GIMAP6: variants seen among roughly 807,000 people sequenced by gnomAD.
GIMAP6 encodes the protein GTPase IMAP family member 6.
In GIMAP6, 6 loss-of-function variants were observed where a neutral mutation model predicts 9.3. The ratio of observed to expected loss-of-function variants is 0.65; its 90% confidence interval spans 0.35 to 1.27. The LOEUF (loss-of-function observed/expected upper bound fraction) is 1.27, where lower values mean the gene tolerates loss of function less well. GIMAP6 is among the 50% of genes most tolerant of loss of function. GIMAP6 has a pLI of 0.03. For synonymous variants in GIMAP6, 156 were observed against 151.1 expected (o/e 1.03, Z -0.24); for missense variants, 333 against 359.5 (o/e 0.93, Z 0.60).
At chr7:150,628,688 G>T in intron 2 of GIMAP6, 176 bp from the exon 3 acceptor site, 1 of 1,545,308 alleles carries the variant, frequency 6.5e-7, no homozygotes, top group Non-Finnish European at 8.7e-7. Flanking sequence ...CTTGAAGGTG[G>T]GGCTGAACGT....
In GIMAP6 at chr7:150,626,168, ATC is replaced by A. The variant is rs947685157; in HGVS notation, c.*1549_*1550del. The A allele has an allele frequency of 6.6e-6, 1 of 152,270 alleles. No individual in the cohort carries two copies. The highest frequency in any genetic ancestry group is 2.4e-5 in the African/African-American group (1 of 41,468). 9.4% of individuals were successfully genotyped at this position (152,270 alleles called of 1,614,324 possible). Reference sequence around the variant, plus strand: ...AAGAGGCCACAGGTCGGCTGTGAGCATCTGTGTCTAGCTGTTGAGCATCTCCA... The same window carrying A: ...AAGAGGCCACAGGTCGGCTGTGAGCATGTGTCTAGCTGTTGAGCATCTCCA... On this transcript the variant is annotated 3_prime_UTR_variant, in exon 3 of 3. Transcript: ENST00000328902.
In GIMAP6 at chr7:150,628,651, G is replaced by A. The variant is rs766191072; in HGVS notation, c.86-139C>T. The stretch of plus-strand genomic sequence containing the variant: ...GACCAACATCTGCCCTGAAACCAGC[G>A]CTGGGCCACCATTCTGGGCCCACAT... On this transcript the variant is annotated intron_variant, in intron 2 of 2. Coordinates refer to ENST00000328902, the MANE Select transcript of GIMAP6 (RefSeq NM_024711.6). 6.9e-5 allele frequency: 110 copies of A among 1,585,554 alleles called. No individual in the cohort carries two copies. In the Admixed American group the frequency reaches 9.9e-4, roughly 14 times the overall value.
Position 150,627,506 on chromosome 7 carries a change from G to T in GIMAP6, c.*213C>A. The T allele has an allele frequency of 1.6e-6, 1 of 615,544 alleles. No individual in the cohort carries two copies. The highest frequency in any genetic ancestry group is 2.0e-5 in the South Asian group (1 of 51,072). 38.1% of individuals were successfully genotyped at this position (615,544 alleles called of 1,614,324 possible). On this transcript the variant is annotated 3_prime_UTR_variant, in exon 3 of 3. Transcript: ENST00000328902. ...GCGTGCTGTTGGGGCACAGAGGAGG[G>T]AGGACCCAGATGTTCTGGAAGAAGG...
intron 1 of GIMAP6, among the ~76,000 whole-genome samples, 194 bp downstream of exon 1, chr7:150,631,973 AAC>A (rs991921137): frequency 1.1e-4 from 17 of 151,806 alleles, no homozygotes; most frequent in African/African-American, 4.1e-4. Flanking sequence ...TGAACACACA[AAC>A]ACATACACAA....
At chr7:150,628,963 G>A (rs1017419071) in intron 2 of GIMAP6, among the ~76,000 whole-genome samples, 10 of 152,230 alleles carry the variant, frequency 6.6e-5, no homozygotes, top group African/African-American at 2.4e-4. Flanking sequence ...GCATGGGCGT[G>A]GCCATCTCCT....
rs1334632748 is a variant in GIMAP6 at position 150,625,480 on chromosome 7, T to C, written c.*2239A>G. 6.6e-6 allele frequency: 1 copy of C among 152,216 alleles called. No individual in the cohort carries two copies. Among genetic ancestry groups the C allele is most frequent in the Non-Finnish European group, 1.5e-5 (1 of 68,038 alleles). 9.4% of individuals were successfully genotyped at this position (152,216 alleles called of 1,614,324 possible). A position where few individuals can be genotyped will look rare whatever the true frequency, so the allele number is the denominator to read the frequency against. On this transcript the variant is annotated 3_prime_UTR_variant, in exon 3 of 3. Coordinates refer to ENST00000328902, the MANE Select transcript of GIMAP6 (RefSeq NM_024711.6). ...GGTCAAATGCTTGTGTTTTCTATTA[T>C]GACATTACTTAAGCTAATAGAGTTA...
In GIMAP6 at chr7:150,628,523, C is replaced by T; in HGVS notation, c.86-11G>A. On this transcript the variant is annotated splice_polypyrimidine_tract_variant and intron_variant, in intron 2 of 2. Transcript: ENST00000328902. The stretch of plus-strand genomic sequence containing the variant: ...CTTTCTCCCTTAGACCTAGAAATAT[C>T]CAAAGAAAGCAGAGGGAACTGGGGT... The T allele has an allele frequency of 6.2e-7, 1 of 1,611,826 alleles. No homozygotes were observed. Among genetic ancestry groups the T allele is most frequent in the South Asian group, 1.1e-5 (1 of 91,082 alleles).
chr7:150,629,508 A>T (rs1796356251), intron 2 of GIMAP6, among the ~76,000 whole-genome samples: 1 of 152,192 alleles, frequency 6.6e-6, no homozygotes, highest in African/African-American at 2.4e-5. Flanking sequence ...TGAATGACGA[A>T]GTTGAGCCCA....
rs58764098 is a variant in GIMAP6 at position 150,630,146 on chromosome 7, C to CAAAA, written c.1-8_1-5dup. On this transcript the variant is annotated splice_polypyrimidine_tract_variant and splice_region_variant and intron_variant, in intron 1 of 2. Transcript: ENST00000328902. ...GTTCATATTCTTCTTCCTCCATCTA[C>CAAAA]AAAAAAAAAAAAAAAAAAAAAATCA... The CAAAA allele has an allele frequency of 2.6e-4, 244 of 936,128 alleles. 2 individuals are homozygous for CAAAA. The South Asian group carries it at 3.4e-3, about 13-fold the overall frequency. 58.0% of individuals were successfully genotyped at this position (936,128 alleles called of 1,614,324 possible). A position where few individuals can be genotyped will look rare whatever the true frequency, so the allele number is the denominator to read the frequency against.
At chr7:150,630,653 C>T (rs2116787490) in intron 1 of GIMAP6, among the ~76,000 whole-genome samples, 1 of 152,178 alleles carries the variant, frequency 6.6e-6, no homozygotes, top group East Asian at 1.9e-4. Context: ...TGGGGCCAGA[C>T]TTTGGAGAAG....
intron 2 of GIMAP6, 113 bp from the exon 3 acceptor site, chr7:150,628,625 A>G (rs1045431797): frequency 1.9e-6 from 3 of 1,592,308 alleles, no homozygotes; most frequent in African/African-American, 2.7e-5. Flanking sequence ...AGATTGTAAA[A>G]GACCAACATC....
chr7:150,628,806 G>A (rs1455451117), intron 2 of GIMAP6: 3 of 1,333,640 alleles, frequency 2.2e-6, no homozygotes, highest in Admixed American at 3.0e-5. Context: ...GAAGAAGGCA[G>A]GAAGGGAATT....
In GIMAP6 at chr7:150,626,514, C is replaced by G. The variant is rs944150340; in HGVS notation, c.*1205G>C. The G allele has an allele frequency of 6.6e-6, 1 of 152,214 alleles. No individual in the cohort carries two copies. Among genetic ancestry groups the G allele is most frequent in the African/African-American group, 2.4e-5 (1 of 41,426 alleles). 9.4% of individuals were successfully genotyped at this position (152,214 alleles called of 1,614,324 possible). A position where few individuals can be genotyped will look rare whatever the true frequency, so the allele number is the denominator to read the frequency against. ...TCCGAGGCCTGAGACAGGATGACAT[C>G]CTACTCCCTTCTCATCCTGTCCAGT... On this transcript the variant is annotated 3_prime_UTR_variant, in exon 3 of 3. Coordinates refer to ENST00000328902, the MANE Select transcript of GIMAP6 (RefSeq NM_024711.6).
Position 150,627,545 on chromosome 7 carries a change from G to GAATGTGAT in GIMAP6, c.*166_*173dup. ...TCTGGAAGAAGGAATGAAGGAACTG[G>GAATGTGAT]AATGTGATCTGGGCATGCTGGACCC... On this transcript the variant is annotated 3_prime_UTR_variant, in exon 3 of 3. Transcript: ENST00000328902. 1 of 700,754 alleles carries GAATGTGAT rather than the reference G, an allele frequency of 1.4e-6. No homozygotes were observed. Among genetic ancestry groups the GAATGTGAT allele is most frequent in the Non-Finnish European group, 2.4e-6 (1 of 411,684 alleles). 43.4% of individuals were successfully genotyped at this position (700,754 alleles called of 1,614,324 possible).
chr7:150,628,490 C>T lies in GIMAP6; in HGVS notation c.108G>A (p.Lys36=), dbSNP rs1563336787. 3.1e-6 allele frequency: 5 copies of T among 1,613,998 alleles called. 1 individual carries two copies. Among genetic ancestry groups the T allele is most frequent in the Non-Finnish European group, 4.2e-6 (5 of 1,180,034 alleles). ...GAATGAGCCTCAGTCTCCTTGGGGT[C>T]TTCTGTTCTTTCTCCCTTAGACCTA... The part of the protein sequence containing the change: ...LSGGLREKEQ[K]TPRRLRLILM... Residue 36 remains lysine (K), a synonymous_variant, in exon 3 of 3, where the codon AAG becomes AAA. Transcript: ENST00000328902.
chr7:150,625,669 T>C lies in GIMAP6; in HGVS notation c.*2050A>G, dbSNP rs1394624272. The C allele has an allele frequency of 6.6e-6, 1 of 152,110 alleles. No homozygotes were observed. Among genetic ancestry groups the C allele is most frequent in the East Asian group, 1.9e-4 (1 of 5,198 alleles). The allele number at this position is 152,110 out of a possible 1,614,324, so 9.4% of individuals were successfully genotyped here. A position where few individuals can be genotyped will look rare whatever the true frequency, so the allele number is the denominator to read the frequency against. On this transcript the variant is annotated 3_prime_UTR_variant, in exon 3 of 3. Transcript: ENST00000328902. ...ACTACCAATTCCCTCAAACTTAACA[T>C]AAATGTAAGACATTGCCAACTAGAA...
At position 150,627,668 on chromosome 7, in the gene GIMAP6, A is replaced by G. The variant is rs1796317014; in HGVS notation, c.*51T>C. 1 of 1,608,804 alleles carries G rather than the reference A, an allele frequency of 6.2e-7. No individual in the cohort carries two copies. Among genetic ancestry groups the G allele is most frequent in the Non-Finnish European group, 8.5e-7 (1 of 1,175,918 alleles). ...TGGAAAGAGAAACAGAGGGCTGGAC[A>G]CAGGGGGGTGCAAAGGCTGATGGTG... On this transcript the variant is annotated 3_prime_UTR_variant, in exon 3 of 3. Transcript: ENST00000328902.
intron 2 of GIMAP6, among the ~76,000 whole-genome samples, chr7:150,629,121 G>A (rs1796350627): frequency 6.6e-6 from 1 of 152,172 alleles, no homozygotes; most frequent in Non-Finnish European, 1.5e-5. Context: ...GCAGAAGTCT[G>A]GGCAGTAGAT....
At position 150,627,734 on chromosome 7, in the gene GIMAP6, C is replaced by A. The variant is rs762393240; in HGVS notation, c.864G>T (p.Gly288=). ...CAGCACAGGCTCAAAGGTCAGCCTT[C>A]CCCAGCAGGCATCTGTGGGCTTCCT... ...ESEEAHRCLL[G]KADL The change falls in exon 3 of 3, where the codon GGG becomes GGT. Residue 288 remains glycine, a synonymous_variant. Transcript: ENST00000328902. 6.2e-7 allele frequency: 1 copy of A among 1,613,570 alleles called. No homozygotes were observed. The highest frequency in any genetic ancestry group is 2.2e-5 in the East Asian group (1 of 44,868).
Sources: allele counts gnomAD v4.1 joint callset (sites outside exome capture counted in the v4.1 genomes callset), GRCh38; gene constraint gnomAD v4.1.1; transcripts MANE v1.5; gene names NCBI Gene and HGNC (gene_info 2026-07-23, HGNC 2026-07-21).